NTRK1: variants seen among roughly 807,000 people sequenced by gnomAD.
NTRK1 encodes neurotrophic receptor tyrosine kinase 1, also known as high affinity nerve growth factor receptor.
In NTRK1, 62 loss-of-function variants were observed where a neutral mutation model predicts 86.8. That is an observed-to-expected ratio of 0.71 (90% CI 0.58 to 0.88). The LOEUF is 0.88. NTRK1 is among the 40% of genes least tolerant of loss of function. The pLI is 0.00. For synonymous variants in NTRK1, 469 were observed against 456.6 expected (o/e 1.03, Z -0.35); for missense variants, 967 against 1,078.4 (o/e 0.90, Z 1.45).
At chr1:156,842,352 T>C in intron 2 of NTRK1, 1 of 1,612,880 alleles carries the variant, frequency 6.2e-7, no homozygotes, top group Non-Finnish European at 8.5e-7. Flanking sequence ...CCTCCCACAC[T>C]GTGCCCAACC....
chr1:156,864,599 G>C, intron 2 of NTRK1, 129 bp from the exon 3 acceptor site: 1 of 1,173,682 alleles, frequency 8.5e-7, no homozygotes, highest in African/African-American at 1.5e-5. Context: ...AGTAGTTGAG[G>C]AAACAATGAG....
intron 2 of NTRK1, chr1:156,848,878 C>A: frequency 6.5e-7 from 1 of 1,540,620 alleles, no homozygotes; most frequent in Non-Finnish European, 8.8e-7. Flanking sequence ...AAATTGGCCT[C>A]GTCCGGTCCC....
At chr1:156,839,829 C>T (rs540361891) in intron 1 of NTRK1, among the ~76,000 whole-genome samples, 6 of 152,256 alleles carry the variant, frequency 3.9e-5, no homozygotes, top group East Asian at 1.9e-4. Context: ...GGTTCCCTGC[C>T]GGGCTCAACC....
At chr1:156,848,940 T>A in intron 2 of NTRK1, 5 of 1,586,380 alleles carry the variant, frequency 3.2e-6, no homozygotes, top group African/African-American at 1.3e-5. Flanking sequence ...TAGTACACGA[T>A]GAAGCTGAGC....
intron 1 of NTRK1, among the ~76,000 whole-genome samples, chr1:156,818,232 A>G (rs978015514): frequency 1.4e-5 from 2 of 141,192 alleles, no homozygotes; most frequent in African/African-American, 6.2e-5. Flanking sequence ...CCCAGAGAGG[A>G]AAAAAAAAAC....
intron 3 of NTRK1, 176 bp downstream of exon 3, chr1:156,864,975 C>T (rs548638375): frequency 4.8e-5 from 33 of 680,976 alleles, no homozygotes; most frequent in Non-Finnish European, 7.9e-5. Flanking sequence ...GGCATGCTCT[C>T]GCCCCTGACA....
chr1:156,833,489 G>A (rs889803381), intron 1 of NTRK1, among the ~76,000 whole-genome samples: 1 of 152,100 alleles, frequency 6.6e-6, no homozygotes, highest in African/African-American at 2.4e-5. Flanking sequence ...CCTGGGAGGT[G>A]GAGGTTGCAG....
At chr1:156,832,990 A>C (rs904914809) in intron 1 of NTRK1, among the ~76,000 whole-genome samples, 1 of 152,196 alleles carries the variant, frequency 6.6e-6, no homozygotes, top group African/African-American at 2.4e-5. Flanking sequence ...CTTCTTGCTA[A>C]ACACATTTTG....
intron 1 of NTRK1, among the ~76,000 whole-genome samples, chr1:156,818,212 G>T (rs942525323): frequency 6.6e-6 from 1 of 151,834 alleles, no homozygotes; most frequent in Non-Finnish European, 1.5e-5. Flanking sequence ...ACTGTTCTTG[G>T]TACTGAGAAC....
chr1:156,850,380 T>C (rs1655159327), intron 2 of NTRK1, among the ~76,000 whole-genome samples: 1 of 151,456 alleles, frequency 6.6e-6, no homozygotes, highest in South Asian at 2.1e-4. Context: ...CCTGGCTAAT[T>C]TTTGTATTTT....
At chr1:156,834,928 G>T (rs1042272533) in intron 1 of NTRK1, among the ~76,000 whole-genome samples, 26 of 152,242 alleles carry the variant, frequency 1.7e-4, no homozygotes, top group African/African-American at 6.3e-4. Flanking sequence ...GGGAGGAAAG[G>T]GTGAGCAGAG....
intron 2 of NTRK1, chr1:156,852,153 C>T (rs777984778): frequency 6.8e-6 from 11 of 1,609,692 alleles, no homozygotes; most frequent in East Asian, 6.7e-5. Context: ...CAGCACTCGC[C>T]CCTCGCTGTG....
At chr1:156,840,580 A>T (rs1244807528) in intron 1 of NTRK1, 7 of 439,184 alleles carry the variant, frequency 1.6e-5, no homozygotes, top group Non-Finnish European at 2.9e-5. Flanking sequence ...CCCTCTTCCT[A>T]GTCTGAGTGG....
At chr1:156,853,514 T>G (rs1413387820) in intron 2 of NTRK1, among the ~76,000 whole-genome samples, 1 of 152,214 alleles carries the variant, frequency 6.6e-6, no homozygotes, top group Non-Finnish European at 1.5e-5. Context: ...ATGCCCACCT[T>G]GAACCTGTCC....
chr1:156,860,739 G>A (rs1655596501), upstream of NTRK1: 1 of 1,089,046 alleles, frequency 9.2e-7, no homozygotes, highest in African/African-American at 1.7e-5. Context: ...GGAGGGGGCA[G>A]AGGGGGGGGC....
rs772764828 is a variant in NTRK1 at position 156,873,739 on chromosome 1, C to A, written c.957C>A (p.Gly319=). Residue 319 remains glycine (G), a synonymous_variant, in exon 8 of 17, where the codon GGC becomes GGA. Transcript: ENST00000524377. ...CGTCTCTGCGCTGGCTCTTCAATGG[C>A]TCCGTGCTCAATGAGACCAGCTTCA... ...PAPSLRWLFN[G]SVLNETSFIF... 12 of 1,613,030 alleles carry A rather than the reference C, an allele frequency of 7.4e-6. No homozygotes were observed. Among genetic ancestry groups the A allele is most frequent in the Non-Finnish European group, 9.3e-6 (11 of 1,179,740 alleles).
intron 3 of NTRK1, among the ~76,000 whole-genome samples, chr1:156,865,349 G>A (rs992949922): frequency 6.6e-6 from 1 of 152,182 alleles, no homozygotes; most frequent in Non-Finnish European, 1.5e-5. Flanking sequence ...ATTTCAGGAC[G>A]AAACTGTTCC....
intron 1 of NTRK1, among the ~76,000 whole-genome samples, chr1:156,821,412 T>C (rs1654185197): frequency 6.6e-6 from 1 of 151,722 alleles, no homozygotes; most frequent in African/African-American, 2.4e-5. Flanking sequence ...TGGTGTAGGC[T>C]GGTGCTACGG....
At chr1:156,845,939 C>G (rs766446804) in intron 2 of NTRK1, 4 of 1,608,672 alleles carry the variant, frequency 2.5e-6, no homozygotes, top group Admixed American at 3.4e-5. Flanking sequence ...GCCTGCGCGT[C>G]GTCCCTGCGC....
Sources: allele counts gnomAD v4.1 joint callset (sites outside exome capture counted in the v4.1 genomes callset), GRCh38; gene constraint gnomAD v4.1.1; transcripts MANE v1.5; gene names NCBI Gene and HGNC (gene_info 2026-07-23, HGNC 2026-07-21).